The following EYA2 variants were observed in gnomAD, a reference collection of about 807,000 sequenced individuals.
EYA2 encodes protein phosphatase EYA2.
Under a neutral mutation model 69.2 loss-of-function variants are expected in EYA2, and 31 were observed. The ratio of observed to expected loss-of-function variants is 0.45; its 90% CI spans 0.34 to 0.60. The LOEUF is 0.60. Among genes scored for constraint, EYA2 ranks in the 20% least tolerant of loss-of-function variants. EYA2 has a pLI of 0.02. For missense variants in EYA2, 622 were observed against 701.2 expected (o/e 0.89, Z 1.28); for synonymous variants, 257 against 279.4 (o/e 0.92, Z 0.80).
At chr20:47,079,299 G>A (rs1393712961) in intron 7 of EYA2, among the ~76,000 whole-genome samples, 1 of 152,164 alleles carries the variant, frequency 6.6e-6, no homozygotes, top group Non-Finnish European at 1.5e-5. Context: ...TACAGTTCTG[G>A]AGGTAAGAAA....
chr20:47,187,787 A>G (rs2034675423), intron 15 of EYA2, among the ~76,000 whole-genome samples: 1 of 152,264 alleles, frequency 6.6e-6, no homozygotes, highest in South Asian at 2.1e-4. Flanking sequence ...CGCTGGTACC[A>G]ACAGAGGCGA....
At chr20:47,017,193 AG>A (rs202223887) in intron 5 of EYA2, among the ~76,000 whole-genome samples, 1,967 of 152,310 alleles carry the variant, frequency 0.013, 40 homozygotes, top group African/African-American at 0.043. Flanking sequence ...TGCATGGAGC[AG>A]GGGGCTGGTG....
At chr20:46,927,988 T>A (rs1289648313) in intron 1 of EYA2, among the ~76,000 whole-genome samples, 4 of 152,206 alleles carry the variant, frequency 2.6e-5, no homozygotes, top group Admixed American at 2.6e-4. Flanking sequence ...CAGATAATAC[T>A]CATGTAGCAT....
chr20:47,056,322 C>T (rs987767752), intron 5 of EYA2, among the ~76,000 whole-genome samples: 1 of 151,670 alleles, frequency 6.6e-6, no homozygotes, highest in Non-Finnish European at 1.5e-5. Context: ...CCCCAGGAGG[C>T]TTTGTCTGCT....
chr20:47,132,595 G>A (rs910108384), intron 9 of EYA2, among the ~76,000 whole-genome samples: 7 of 152,184 alleles, frequency 4.6e-5, no homozygotes, highest in African/African-American at 1.7e-4. Context: ...TGATGTACCT[G>A]GGGAATGGCA....
At chr20:46,940,349 G>C (rs1331318256) in intron 1 of EYA2, among the ~76,000 whole-genome samples, 1 of 152,178 alleles carries the variant, frequency 6.6e-6, no homozygotes, top group Non-Finnish European at 1.5e-5. Flanking sequence ...GGACAGTTTT[G>C]CAGACAAGGA....
chr20:47,184,936 C>A (rs1034515142), intron 15 of EYA2, among the ~76,000 whole-genome samples: 2 of 152,160 alleles, frequency 1.3e-5, no homozygotes, highest in Non-Finnish European at 2.9e-5. Context: ...CCACCACACA[C>A]AGAACTCCCA....
chr20:47,116,227 G>T lies in EYA2; in HGVS notation c.888+19059G>T, dbSNP rs983040770. 2.1e-4 allele frequency among the ~76,000 whole-genome samples: 30 copies of T among 141,114 alleles called. No homozygotes were observed. In the Admixed American group the frequency reaches 2.2e-3, roughly 10 times the overall value. 92.6% of individuals were successfully genotyped at this position (141,114 alleles called of 152,430 possible). ...AGTTTCGCTCTTATTGCCCAGGCTGGAGTGCAGTGGTGCAATCTTGGCTCA... is the reference window on the plus strand; with the variant it reads ...AGTTTCGCTCTTATTGCCCAGGCTGTAGTGCAGTGGTGCAATCTTGGCTCA... On this transcript the variant is annotated intron_variant, in intron 9 of 15. Coordinates refer to ENST00000327619, the MANE Select transcript of EYA2 (RefSeq NM_005244.5).
chr20:47,076,604 A>G (rs889187510), intron 7 of EYA2, among the ~76,000 whole-genome samples: 1 of 152,182 alleles, frequency 6.6e-6, no homozygotes, highest in Non-Finnish European at 1.5e-5. Flanking sequence ...AACCCTTTTG[A>G]TTAGCCAAGA....
intron 10 of EYA2, among the ~76,000 whole-genome samples, chr20:47,154,148 G>A (rs1447740930): frequency 1.3e-5 from 2 of 151,978 alleles, no homozygotes; most frequent in African/African-American, 2.4e-5. Context: ...TCTGGTGAGG[G>A]CCCTCTTCTT....
intron 1 of EYA2, among the ~76,000 whole-genome samples, chr20:46,987,917 T>TCA (rs1568706875): frequency 5.5e-4 from 14 of 25,492 alleles, no homozygotes; most frequent in African/African-American, 1.1e-3. Flanking sequence ...ACAGAGTAAG[T>TCA]CTCTCTCTCT....
chr20:47,143,418 G>A (rs973036672), intron 10 of EYA2, among the ~76,000 whole-genome samples: 6 of 152,074 alleles, frequency 3.9e-5, no homozygotes, highest in African/African-American at 1.4e-4. Flanking sequence ...GTGTCCACTG[G>A]CAGTTTTACT....
chr20:47,009,141 A>G (rs1337305986), intron 4 of EYA2, among the ~76,000 whole-genome samples: 1 of 152,220 alleles, frequency 6.6e-6, no homozygotes. Flanking sequence ...AATGCTCAAC[A>G]AATGTCACCT....
At chr20:46,982,087 G>A (rs1050655078) in intron 1 of EYA2, among the ~76,000 whole-genome samples, 1 of 152,044 alleles carries the variant, frequency 6.6e-6, no homozygotes, top group Non-Finnish European at 1.5e-5. Flanking sequence ...CTATCCTCCT[G>A]CTCACATATT....
intron 1 of EYA2, among the ~76,000 whole-genome samples, chr20:46,954,027 T>G (rs1307956422): frequency 6.6e-6 from 1 of 152,184 alleles, no homozygotes; most frequent in Non-Finnish European, 1.5e-5. Flanking sequence ...ACCACACGAT[T>G]CTTCTTTCTG....
chr20:47,132,212 G>A (rs1161025119), intron 9 of EYA2, among the ~76,000 whole-genome samples: 1 of 152,152 alleles, frequency 6.6e-6, no homozygotes, highest in Non-Finnish European at 1.5e-5. Flanking sequence ...GCCTCCCAAA[G>A]CACTAGATTA....
chr20:46,975,260 A>G (rs1393889775), intron 1 of EYA2, among the ~76,000 whole-genome samples: 2 of 152,346 alleles, frequency 1.3e-5, no homozygotes, highest in Non-Finnish European at 2.9e-5. Context: ...TGGCTTTGAC[A>G]TTGTACTATG....
intron 5 of EYA2, among the ~76,000 whole-genome samples, chr20:47,051,509 A>G (rs1308896338): frequency 2.6e-5 from 4 of 152,196 alleles, no homozygotes; most frequent in African/African-American, 7.2e-5. Flanking sequence ...AGTTTTGCTC[A>G]TAATCTGTGA....
intron 12 of EYA2, among the ~76,000 whole-genome samples, chr20:47,179,021 T>C (rs1001479917): frequency 1.3e-5 from 2 of 152,104 alleles, no homozygotes; most frequent in Admixed American, 1.3e-4. Context: ...TAAATCATGT[T>C]AAAAGCAGAG....
Sources: gnomAD v4.1 joint callset for allele counts (sites outside exome capture counted in the v4.1 genomes callset) on GRCh38, gnomAD v4.1.1 for gene constraint, MANE v1.5 for transcripts, NCBI Gene and HGNC (gene_info 2026-07-23, HGNC 2026-07-21) for gene names.